The following CNTNAP2 variants were observed in gnomAD, a reference collection of about 807,000 sequenced individuals.
The protein encoded by CNTNAP2 is contactin associated protein 2.
Under a neutral mutation model 155.2 loss-of-function variants are expected in CNTNAP2, and 98 were observed. The observed-to-expected ratio is 0.63, with a 90% CI of 0.54 to 0.75. CNTNAP2 has a LOEUF of 0.75. Ranked by LOEUF, CNTNAP2 falls within the 30% of genes least tolerant of loss-of-function variation. The pLI is 0.00. For synonymous variants in CNTNAP2, 651 were observed against 631.2 expected, an observed-to-expected ratio of 1.03 and a Z score of -0.47; for missense variants, 1,727 against 1,688.1, an observed-to-expected ratio of 1.02 and a Z score of -0.40.
At chr7:147,579,900 CT>C (rs1465328221) in intron 12 of CNTNAP2, among the ~76,000 whole-genome samples, 1 of 152,144 alleles carries the variant, frequency 6.6e-6, no homozygotes, top group Non-Finnish European at 1.5e-5. Flanking sequence ...TTAATAGGTA[CT>C]TTTCTCCAAA....
At chr7:146,165,497 T>A (rs534960227) in intron 1 of CNTNAP2, among the ~76,000 whole-genome samples, 1 of 152,228 alleles carries the variant, frequency 6.6e-6, no homozygotes, top group African/African-American at 2.4e-5. Flanking sequence ...ATAAAAGTTA[T>A]CCAAGTGTGA....
chr7:147,147,237 G>A (rs1241259739), intron 8 of CNTNAP2, among the ~76,000 whole-genome samples: 1 of 152,096 alleles, frequency 6.6e-6, no homozygotes, highest in Non-Finnish European at 1.5e-5. Flanking sequence ...AACAGCATGA[G>A]GGAAACTGCC....
chr7:146,568,718 T>A (rs1318661360), intron 1 of CNTNAP2, among the ~76,000 whole-genome samples: 1 of 152,158 alleles, frequency 6.6e-6, no homozygotes, highest in Non-Finnish European at 1.5e-5. Context: ...AAACCAACTT[T>A]TAACCAGTGT....
chr7:146,776,810 T>C (rs1268735619), intron 2 of CNTNAP2, among the ~76,000 whole-genome samples: 6 of 152,202 alleles, frequency 3.9e-5, no homozygotes, highest in Admixed American at 3.9e-4. Context: ...TTACACCATT[T>C]AGAGCTGCTT....
intron 12 of CNTNAP2, among the ~76,000 whole-genome samples, chr7:147,586,981 C>T (rs1394049751): frequency 1.3e-5 from 2 of 152,168 alleles, no homozygotes; most frequent in Non-Finnish European, 2.9e-5. Flanking sequence ...AGTTGTTTAA[C>T]TGATACCTTG....
chr7:148,119,537 GA>G lies in CNTNAP2; in HGVS notation c.2554+1257del, dbSNP rs575977598. ...GGTGACAGAGCGAGACTCCGTCTCA[GA>G]AAAAAAAGTCTCCCTTTGCCAAGTC... On this transcript the variant is annotated intron_variant, in intron 16 of 23. Coordinates refer to ENST00000361727, the MANE Select transcript of CNTNAP2 (RefSeq NM_014141.6). Among the ~76,000 whole-genome samples the G allele has an allele frequency of 6.1e-3, 924 of 151,718 alleles. 7 individuals are homozygous for G. Among genetic ancestry groups the G allele is most frequent in the Non-Finnish European group, 0.011 (747 of 67,868 alleles).
intron 2 of CNTNAP2, among the ~76,000 whole-genome samples, chr7:146,777,513 C>A (rs1802411210): frequency 6.6e-6 from 1 of 152,028 alleles, no homozygotes; most frequent in Non-Finnish European, 1.5e-5. Flanking sequence ...AAGGTTATAT[C>A]CTCTCCAAGG....
At chr7:146,457,382 A>G (rs1183233207) in intron 1 of CNTNAP2, among the ~76,000 whole-genome samples, 4 of 150,608 alleles carry the variant, frequency 2.7e-5, no homozygotes, top group African/African-American at 9.8e-5. Flanking sequence ...ATGACTAGAA[A>G]GTTAATCAGT....
At chr7:146,593,915 A>C (rs980819607) in intron 1 of CNTNAP2, among the ~76,000 whole-genome samples, 2 of 152,138 alleles carry the variant, frequency 1.3e-5, no homozygotes, top group African/African-American at 4.8e-5. Flanking sequence ...TTGCAGAGTT[A>C]GTTTAGCCAG....
chr7:147,804,926 A>G (rs1798066018), intron 13 of CNTNAP2, among the ~76,000 whole-genome samples: 1 of 152,114 alleles, frequency 6.6e-6, no homozygotes, highest in Non-Finnish European at 1.5e-5. Context: ...CTGTTCTTAG[A>G]ACCCTACATT....
chr7:147,369,650 C>T (rs1356978015), intron 9 of CNTNAP2, among the ~76,000 whole-genome samples: 1 of 152,262 alleles, frequency 6.6e-6, no homozygotes, highest in East Asian at 1.9e-4. Flanking sequence ...CAGAAGCAGT[C>T]GTAGACAATA....
At chr7:148,210,488 A>G (rs748001640) in intron 18 of CNTNAP2, among the ~76,000 whole-genome samples, 2 of 152,178 alleles carry the variant, frequency 1.3e-5, no homozygotes, top group Non-Finnish European at 2.9e-5. Flanking sequence ...TTAAATTCCA[A>G]TCCAAGAAGG....
At chr7:147,849,497 T>C in intron 13 of CNTNAP2, among the ~76,000 whole-genome samples, 1 of 152,254 alleles carries the variant, frequency 6.6e-6, no homozygotes, top group Non-Finnish European at 1.5e-5. Context: ...CCTTCTGAAG[T>C]AATCTTGTCA....
At chr7:146,245,310 A>G (rs912304740) in intron 1 of CNTNAP2, among the ~76,000 whole-genome samples, 2 of 152,168 alleles carry the variant, frequency 1.3e-5, no homozygotes, top group African/African-American at 2.4e-5. Flanking sequence ...GGGACTTAAC[A>G]AAGAGTGAGT....
chr7:147,595,684 C>T (rs190346761), intron 12 of CNTNAP2, among the ~76,000 whole-genome samples: 39 of 152,282 alleles, frequency 2.6e-4, no homozygotes, highest in Non-Finnish European at 4.6e-4. Context: ...TGATCATTTG[C>T]GTGCACAGCA....
chr7:148,358,260 T>C (rs114605502), intron 21 of CNTNAP2, among the ~76,000 whole-genome samples: 3,261 of 152,130 alleles, frequency 0.021, 115 homozygotes, highest in African/African-American at 0.075. Flanking sequence ...CTACTAGAGA[T>C]AGTCACTGAA....
intron 1 of CNTNAP2, among the ~76,000 whole-genome samples, chr7:146,245,289 A>G (rs1367716074): frequency 2.0e-5 from 3 of 152,168 alleles, no homozygotes; most frequent in Admixed American, 6.5e-5. Context: ...GCCAGGAACA[A>G]TGGTAATTGT....
At chr7:146,334,946 A>G (rs192482676) in intron 1 of CNTNAP2, among the ~76,000 whole-genome samples, 210 of 152,292 alleles carry the variant, frequency 1.4e-3, no homozygotes, top group Non-Finnish European at 2.4e-3. Context: ...TTCAACCCTC[A>G]TTGATCACAT....
At chr7:147,769,400 G>A (rs944095072) in intron 13 of CNTNAP2, among the ~76,000 whole-genome samples, 2 of 152,128 alleles carry the variant, frequency 1.3e-5, no homozygotes, top group Non-Finnish European at 2.9e-5. Flanking sequence ...AGAACACGGT[G>A]TAAATATCAT....
Sources: allele counts gnomAD v4.1 joint callset (sites outside exome capture counted in the v4.1 genomes callset), GRCh38; gene constraint gnomAD v4.1.1; transcripts MANE v1.5; gene names NCBI Gene and HGNC (gene_info 2026-07-23, HGNC 2026-07-21).